The following GRAMD1B variants were observed in gnomAD, a reference collection of about 807,000 sequenced individuals.
GRAMD1B encodes the protein protein Aster-B.
GRAMD1B carries 37 observed loss-of-function variants against 99.7 expected under a neutral mutation model. That is an observed-to-expected ratio of 0.37 (90% CI 0.29 to 0.49). GRAMD1B has a LOEUF of 0.49. GRAMD1B is among the 20% of genes least tolerant of loss of function. The probability of loss-of-function intolerance (pLI) is 0.98; values close to 1 mark genes in which losing one functional copy is unlikely to be tolerated. For missense variants in GRAMD1B, 888 were observed against 1,009.2 expected (o/e 0.88, Z 1.63); for synonymous variants, 427 against 387.6 (o/e 1.10, Z -1.19).
chr11:123,515,880 G>T (rs1348253403), intron 2 of GRAMD1B, among the ~76,000 whole-genome samples: 1 of 151,720 alleles, frequency 6.6e-6, no homozygotes, highest in Non-Finnish European at 1.5e-5. Context: ...CAATCCTCCT[G>T]CCTCAGCCTC....
chr11:123,369,392 C>G (rs543962582), intron 1 of GRAMD1B, among the ~76,000 whole-genome samples: 97 of 152,076 alleles, frequency 6.4e-4, no homozygotes, highest in African/African-American at 2.3e-3. Flanking sequence ...AAAGAAGAGA[C>G]AGCTAAGAGA....
intron 2 of GRAMD1B, among the ~76,000 whole-genome samples, chr11:123,541,540 T>C (rs10893050): frequency 0.12 from 16,972 of 142,162 alleles, 1,063 homozygotes; most frequent in Admixed American, 0.18. Context: ...GTGAATTGAT[T>C]TTTTTTTTTT....
chr11:123,487,042 C>G (rs1344993694), intron 2 of GRAMD1B, among the ~76,000 whole-genome samples: 1 of 152,208 alleles, frequency 6.6e-6, no homozygotes, highest in African/African-American at 2.4e-5. Context: ...GCACTCCACC[C>G]TGGATGACAG....
Position 123,610,813 on chromosome 11 carries a change from C to T in GRAMD1B, c.1919+475C>T, listed in dbSNP as rs865962807. Among the ~76,000 whole-genome samples the T allele has an allele frequency of 1.3e-5, 2 of 152,180 alleles. No homozygotes were observed. Among genetic ancestry groups the T allele is most frequent in the East Asian group, 1.9e-4 (1 of 5,182 alleles). ...CATTAGTGTTAGACAGTGAGCTCCA[C>T]GAGGACAGGAATTCCATTCCACTTA... On this transcript the variant is annotated intron_variant, in intron 14 of 19. Coordinates refer to ENST00000635736, the MANE Select transcript of GRAMD1B (RefSeq NM_001387025.1). The surrounding 1 kb of genome is among the most constrained non-coding windows in gnomAD (Gnocchi z 4.1).
intron 2 of GRAMD1B, among the ~76,000 whole-genome samples, chr11:123,546,694 G>T (rs1945072682): frequency 6.6e-6 from 1 of 152,178 alleles, no homozygotes. Flanking sequence ...CTGATATCAG[G>T]GGTTTTGGTG....
In GRAMD1B at chr11:123,553,521, C is replaced by T. The variant is rs977249937; in HGVS notation, c.453-23846C>T. On this transcript the variant is annotated intron_variant, in intron 2 of 19. Transcript: ENST00000635736. Reference sequence around the variant, plus strand: ...CTAAAGGGTGAATGTTGTGTTGGAGCCATCTGAATCCTCAGCTTCCTCACC... The same window carrying T: ...CTAAAGGGTGAATGTTGTGTTGGAGTCATCTGAATCCTCAGCTTCCTCACC... Among the ~76,000 whole-genome samples the T allele has an allele frequency of 1.2e-4, 18 of 152,210 alleles. 1 individual carries two copies. The highest frequency in any genetic ancestry group is 8.5e-4 in the Admixed American group (13 of 15,284).
intron 1 of GRAMD1B, among the ~76,000 whole-genome samples, chr11:123,378,709 A>C (rs1946773130): frequency 6.6e-6 from 1 of 152,238 alleles, no homozygotes; most frequent in Non-Finnish European, 1.5e-5. Context: ...TGTTATGCAG[A>C]AAGATTACAG....
chr11:123,466,609 T>C (rs1309868993), intron 1 of GRAMD1B, among the ~76,000 whole-genome samples: 5 of 152,090 alleles, frequency 3.3e-5, no homozygotes, highest in African/African-American at 1.2e-4. Flanking sequence ...ATGGATACTC[T>C]GCATTGGGAA....
chr11:123,512,529 C>T (rs185866167), intron 2 of GRAMD1B, among the ~76,000 whole-genome samples: 164 of 152,164 alleles, frequency 1.1e-3, no homozygotes, highest in Admixed American at 3.4e-3. Context: ...ATGTTAGAGA[C>T]GAATCATTCC....
chr11:123,367,449 C>T (rs1378129048), intron 1 of GRAMD1B, among the ~76,000 whole-genome samples: 1 of 152,136 alleles, frequency 6.6e-6, no homozygotes, highest in African/African-American at 2.4e-5. Context: ...TATATTTGAG[C>T]TGGGTTCTAA....
chr11:123,364,668 C>A (rs1367940921), intron 1 of GRAMD1B, among the ~76,000 whole-genome samples: 1 of 152,132 alleles, frequency 6.6e-6, no homozygotes, highest in African/African-American at 2.4e-5. Flanking sequence ...AGTATGGCTT[C>A]CCAGATACAA....
At chr11:123,570,518 G>T (rs780074541) in intron 2 of GRAMD1B, among the ~76,000 whole-genome samples, 33 of 150,584 alleles carry the variant, frequency 2.2e-4, no homozygotes, top group Non-Finnish European at 4.4e-4. Context: ...CCACCTCCTG[G>T]GTTCAACTGA....
chr11:123,572,637 T>G (rs1948235240), intron 2 of GRAMD1B, among the ~76,000 whole-genome samples: 1 of 152,022 alleles, frequency 6.6e-6, no homozygotes. Flanking sequence ...TATGTGGGCT[T>G]AGTCTGGAAG....
Position 123,603,501 on chromosome 11 carries a change from G to A in GRAMD1B, c.1126G>A (p.Glu376Lys), listed in dbSNP as rs564971872. The change falls in exon 9 of 20, where the codon GAG (glutamate) becomes AAG (lysine). Residue 376 changes from glutamate to lysine, a missense_variant. By Grantham distance (56) the Glu-to-Lys change is moderately conservative (BLOSUM62 1). Coordinates refer to ENST00000635736, the MANE Select transcript of GRAMD1B (RefSeq NM_001387025.1). Reference protein sequence around the residue: ...GNELGLTSDDEDYVPPDDDFN... With the variant: ...GNELGLTSDDKDYVPPDDDFN... The stretch of plus-strand genomic sequence containing the variant: ...CGAATTGGGCCTGACCAGTGATGAC[G>A]AGGACTACGTGCCCCCTGACGACGA... 10 of 1,613,616 alleles carry A rather than the reference G, an allele frequency of 6.2e-6. No individual in the cohort carries two copies. Among genetic ancestry groups the A allele is most frequent in the South Asian group, 4.4e-5 (4 of 91,084 alleles).
At chr11:123,542,242 G>A (rs903150859) in intron 2 of GRAMD1B, among the ~76,000 whole-genome samples, 1 of 152,214 alleles carries the variant, frequency 6.6e-6, no homozygotes, top group Non-Finnish European at 1.5e-5. Context: ...ATGGTGGCAT[G>A]AACAGTGATG....
chr11:123,544,656 C>T (rs540444059), intron 2 of GRAMD1B, among the ~76,000 whole-genome samples: 1 of 152,208 alleles, frequency 6.6e-6, no homozygotes, highest in African/African-American at 2.4e-5. Flanking sequence ...GCCATTCCTG[C>T]CCTGTCACTG....
chr11:123,468,787 C>T (rs1950837042), intron 1 of GRAMD1B, among the ~76,000 whole-genome samples: 1 of 129,996 alleles, frequency 7.7e-6, no homozygotes, highest in African/African-American at 3.0e-5. Context: ...CAGATTGAGA[C>T]CCTGTATCAA....
At chr11:123,440,924 A>G (rs907761928) in intron 1 of GRAMD1B, among the ~76,000 whole-genome samples, 14 of 152,182 alleles carry the variant, frequency 9.2e-5, no homozygotes, top group African/African-American at 2.9e-4. Context: ...AGGATAGTGA[A>G]TAAGTCTCAT....
At chr11:123,584,174 A>G (rs887345180) in intron 3 of GRAMD1B, 138 bp from the exon 4 acceptor site, 2 of 569,088 alleles carry the variant, frequency 3.5e-6, no homozygotes, top group Non-Finnish European at 6.3e-6. Context: ...CTCCTGAGCA[A>G]CCACATGGGA....
Sources: gnomAD v4.1 joint callset for allele counts (sites outside exome capture counted in the v4.1 genomes callset) on GRCh38, gnomAD v4.1.1 for gene constraint, Gnocchi (gnomAD v3.1) non-coding constraint, MANE v1.5 for transcripts, NCBI Gene and HGNC (gene_info 2026-07-23, HGNC 2026-07-21) for gene names.